Variants in BBOX1 observed in about 807,000 individuals in gnomAD.
BBOX1 encodes gamma-butyrobetaine dioxygenase.
BBOX1 carries 35 observed loss-of-function variants against 41.6 expected under a neutral mutation model. The observed-to-expected ratio is 0.84, with a 90% confidence interval of 0.64 to 1.11. The LOEUF (loss-of-function observed/expected upper bound fraction) is 1.11. Among genes scored for constraint, BBOX1 ranks in the 50% most tolerant of loss-of-function variants. The pLI is 0.00. For synonymous variants in BBOX1, 163 were observed against 154.7 expected (o/e 1.05, Z -0.40); for missense variants, 458 against 460.6 (o/e 0.99, Z 0.05).
intron 2 of BBOX1, among the ~76,000 whole-genome samples, chr11:27,047,604 G>T (rs1851525694): frequency 6.6e-6 from 1 of 152,074 alleles, no homozygotes; most frequent in South Asian, 2.1e-4. Flanking sequence ...AAAATGTATT[G>T]AGTTTAATAT....
At chr11:27,070,141 T>C (rs1857399557) in intron 4 of BBOX1, among the ~76,000 whole-genome samples, 1 of 152,172 alleles carries the variant, frequency 6.6e-6, no homozygotes, top group Non-Finnish European at 1.5e-5. Context: ...CTTGATATAA[T>C]TTTGATTTTC....
chr11:27,124,314 C>T (rs1184496421), intron 7 of BBOX1, among the ~76,000 whole-genome samples: 1 of 152,102 alleles, frequency 6.6e-6, no homozygotes, highest in Admixed American at 6.5e-5. Flanking sequence ...CCTTGGTCAC[C>T]TTCAGTTTGC....
intron 7 of BBOX1, among the ~76,000 whole-genome samples, chr11:27,120,582 CTTTT>C (rs997568345): frequency 1.3e-5 from 2 of 152,038 alleles, no homozygotes; most frequent in African/African-American, 2.4e-5. Context: ...TTCTCCCTTT[CTTTT>C]TATTTAATAT....
chr11:27,122,723 C>T (rs1229016483), intron 7 of BBOX1, among the ~76,000 whole-genome samples: 1 of 152,070 alleles, frequency 6.6e-6, no homozygotes, highest in African/African-American at 2.4e-5. Context: ...AGACATAATG[C>T]TGTCACTAAT....
chr11:27,093,504 T>A, intron 5 of BBOX1, 138 bp downstream of exon 5: 1 of 943,280 alleles, frequency 1.1e-6, no homozygotes. Flanking sequence ...AAGAAGAGTC[T>A]AAAAGTAGTA....
At chr11:27,078,502 A>G (rs1472584373) in intron 4 of BBOX1, among the ~76,000 whole-genome samples, 2 of 152,024 alleles carry the variant, frequency 1.3e-5, no homozygotes, top group African/African-American at 2.4e-5. Context: ...ATGCAGCCAT[A>G]AAAAAGGATG....
intron 2 of BBOX1, among the ~76,000 whole-genome samples, chr11:27,048,541 G>C (rs1851564571): frequency 6.6e-6 from 1 of 151,344 alleles, no homozygotes; most frequent in Non-Finnish European, 1.5e-5. Context: ...ATGATAGATA[G>C]ATAGATAGAT....
intron 2 of BBOX1, among the ~76,000 whole-genome samples, chr11:27,053,592 G>A (rs1296905211): frequency 6.6e-6 from 1 of 152,058 alleles, no homozygotes; most frequent in Non-Finnish European, 1.5e-5. Context: ...GGATCTAGTT[G>A]TATTATTCCA....
At chr11:27,121,567 G>A (rs1244313221) in intron 7 of BBOX1, among the ~76,000 whole-genome samples, 1 of 152,116 alleles carries the variant, frequency 6.6e-6, no homozygotes, top group Non-Finnish European at 1.5e-5. Context: ...GTGGTGTGGA[G>A]AAGGATCAGT....
intron 5 of BBOX1, among the ~76,000 whole-genome samples, chr11:27,103,683 C>A (rs2134067595): frequency 6.6e-6 from 1 of 150,996 alleles, no homozygotes; most frequent in South Asian, 2.1e-4. Flanking sequence ...CTTTTGGATT[C>A]ATTAGAAGTG....
chr11:27,043,422 T>TGGGGTACATGTGCAGAATGTGCAGGTTC, intron 2 of BBOX1, among the ~76,000 whole-genome samples: 1 of 152,030 alleles, frequency 6.6e-6, no homozygotes, highest in African/African-American at 2.4e-5. Context: ...TGTGCACGTT[T>TGGGGTACATGTGCAGAATGTGCAGGTTC]GGGGTACATG....
At chr11:27,080,147 TG>T (rs1244583099) in intron 4 of BBOX1, among the ~76,000 whole-genome samples, 1 of 152,142 alleles carries the variant, frequency 6.6e-6, no homozygotes, top group Non-Finnish European at 1.5e-5. Flanking sequence ...GCATTATTAT[TG>T]TAACCATTTT....
At chr11:27,047,420 T>C (rs957189317) in intron 2 of BBOX1, 1 of 152,170 alleles carries the variant, frequency 6.6e-6, no homozygotes, top group Non-Finnish European at 1.5e-5. Flanking sequence ...ATCACTTCAA[T>C]AGTTGGTGTG....
At chr11:27,041,175 C>G (rs1035380892) in intron 1 of BBOX1, 41 bp from the exon 2 acceptor site, 5 of 97,396 alleles carry the variant, frequency 5.1e-5, no homozygotes, top group African/African-American at 1.6e-4. Context: ...CATAAAGCCT[C>G]TTTTCTTTCT....
intron 2 of BBOX1, among the ~76,000 whole-genome samples, chr11:27,044,427 CTTTAG>C (rs974126300): frequency 6.6e-6 from 1 of 152,136 alleles, no homozygotes; most frequent in African/African-American, 2.4e-5. Flanking sequence ...TGCAGAAGCT[CTTTAG>C]TTTAATTAGA....
At chr11:27,099,776 C>A (rs1049358025) in intron 5 of BBOX1, among the ~76,000 whole-genome samples, 1 of 152,102 alleles carries the variant, frequency 6.6e-6, no homozygotes, top group Non-Finnish European at 1.5e-5. Context: ...ACTTGCCTCA[C>A]TCTTTCTGCA....
chr11:27,107,800 T>A (rs1455183240), intron 5 of BBOX1, among the ~76,000 whole-genome samples: 1 of 152,086 alleles, frequency 6.6e-6, no homozygotes, highest in South Asian at 2.1e-4. Context: ...CAGGGTTATA[T>A]GGCTGCAAAT....
At chr11:27,066,557 G>C (rs1857287152) in intron 4 of BBOX1, 1 of 151,430 alleles carries the variant, frequency 6.6e-6, no homozygotes, top group Non-Finnish European at 1.5e-5. Flanking sequence ...GTTAGGTTTG[G>C]AGTTGCAGTT....
rs1011903965 is a variant in BBOX1 at position 27,058,148 on chromosome 11, G to C, written c.334+833G>C. 7.9e-5 allele frequency among the ~76,000 whole-genome samples: 12 copies of C among 152,042 alleles called. No homozygotes were observed. The East Asian group carries it at 2.3e-3, about 29-fold the overall frequency. ...CTGAAAAACAGTTCTTGCAAGATCT[G>C]GTCATTTAAAAGTGTGTAGCACTAC... is the stretch of plus-strand genomic sequence containing the variant. On this transcript the variant is annotated intron_variant, in intron 4 of 8. Transcript: ENST00000263182.
Sources: allele counts gnomAD v4.1 joint callset (sites outside exome capture counted in the v4.1 genomes callset), GRCh38; gene constraint gnomAD v4.1.1; transcripts MANE v1.5; gene names NCBI Gene and HGNC (gene_info 2026-07-23, HGNC 2026-07-21).